The following XPR1 variants were observed in gnomAD, a reference collection of about 807,000 sequenced individuals.
XPR1 encodes the protein xenotropic and polytropic retrovirus receptor 1.
Under a neutral mutation model 87.5 loss-of-function variants are expected in XPR1, and 28 were observed. That is an observed-to-expected ratio of 0.32 (90% CI 0.24 to 0.44). The LOEUF is 0.44. Ranked by LOEUF, XPR1 falls within the 20% of genes least tolerant of loss-of-function variation. The pLI, the probability that XPR1 is intolerant of heterozygous loss-of-function variation, is 1.00. For missense variants in XPR1, 559 were observed against 862.3 expected (o/e 0.65, Z 4.41); for synonymous variants, 300 against 306.1 (o/e 0.98, Z 0.21).
intron 12 of XPR1, among the ~76,000 whole-genome samples, 195 bp downstream of exon 12, chr1:180,864,069 A>G (rs1652304299): frequency 6.6e-6 from 1 of 152,230 alleles, no homozygotes; most frequent in African/African-American, 2.4e-5. Context: ...TAGGAAATCA[A>G]AACAAAGTAA....
chr1:180,634,785 AAGC>A (rs1654711477), intron 1 of XPR1, among the ~76,000 whole-genome samples: 1 of 151,940 alleles, frequency 6.6e-6, no homozygotes, highest in Admixed American at 6.6e-5. Context: ...TACTTGAAAT[AAGC>A]AGAGAATTAG....
rs578042378 is a variant in XPR1 at position 180,668,961 on chromosome 1, C to T, written c.70-13399C>T. Among the ~76,000 whole-genome samples the T allele has an allele frequency of 2.7e-4, 41 of 151,810 alleles. No homozygotes were observed. In the South Asian group the frequency reaches 2.7e-3, roughly 10 times the overall value. ...AAAAATTAGCTGGGCTGCTGGCAGG[C>T]GCCTGTAATCCCAGCTACTTGGGAG... On this transcript the variant is annotated intron_variant, in intron 1 of 14. Transcript: ENST00000367590.
Position 180,787,784 on chromosome 1 carries a change from T to C in XPR1, c.153T>C (p.Phe51=). The stretch of plus-strand genomic sequence containing the variant: ...ATGAGGACACAGTAAAGAGGTATTT[T>C]GCCAAGTTTGAAGAGAAGTTTTTCC... ...VTDEDTVKRY[F]AKFEEKFFQT... is the part of the protein sequence containing the mutation. Residue 51 remains phenylalanine (F), a synonymous_variant, in exon 3 of 15, where the codon TTT becomes TTC. Transcript: ENST00000367590. 6.2e-7 allele frequency: 1 copy of C among 1,613,426 alleles called. No homozygotes were observed. The highest frequency in any genetic ancestry group is 2.2e-5 in the East Asian group (1 of 44,848).
At chr1:180,732,467 T>A (rs1658589372) in intron 2 of XPR1, among the ~76,000 whole-genome samples, 2 of 152,206 alleles carry the variant, frequency 1.3e-5, no homozygotes, top group Admixed American at 6.5e-5. Flanking sequence ...CAGAAGTAGA[T>A]CTTCATGAAA....
intron 1 of XPR1, among the ~76,000 whole-genome samples, chr1:180,636,770 G>C (rs1163831042): frequency 6.6e-6 from 1 of 152,088 alleles, no homozygotes; most frequent in Non-Finnish European, 1.5e-5. Flanking sequence ...AAAGTAAGGG[G>C]GCTGGACACG....
At chr1:180,661,999 TTTTAAC>T (rs1655796191) in intron 1 of XPR1, among the ~76,000 whole-genome samples, 1 of 152,220 alleles carries the variant, frequency 6.6e-6, no homozygotes, top group Non-Finnish European at 1.5e-5. Context: ...TCTCCCCACT[TTTTAAC>T]TTTGTTTCTA....
chr1:180,773,739 T>C (rs1271470890), intron 2 of XPR1, among the ~76,000 whole-genome samples: 2 of 152,180 alleles, frequency 1.3e-5, no homozygotes, highest in Non-Finnish European at 1.5e-5. Flanking sequence ...CCTTTTTCCC[T>C]CCATGTTTTG....
chr1:180,673,294 A>G (rs1022563372), intron 1 of XPR1, among the ~76,000 whole-genome samples: 19 of 152,204 alleles, frequency 1.2e-4, no homozygotes, highest in Non-Finnish European at 2.8e-4. Context: ...AAAAAAAGGT[A>G]TATTGTACAA....
intron 11 of XPR1, among the ~76,000 whole-genome samples, chr1:180,857,448 A>AAT (rs1240200995): frequency 1.3e-5 from 2 of 152,146 alleles, no homozygotes; most frequent in Non-Finnish European, 2.9e-5. Context: ...ACCTAGAATA[A>AAT]TATCTGGCAT....
At chr1:180,725,154 GT>G (rs1320816778) in intron 2 of XPR1, among the ~76,000 whole-genome samples, 2 of 152,306 alleles carry the variant, frequency 1.3e-5, no homozygotes, top group East Asian at 3.9e-4. Flanking sequence ...AGGGTAATCT[GT>G]GAGGCATCTG....
intron 2 of XPR1, among the ~76,000 whole-genome samples, chr1:180,772,270 T>G (rs560442419): frequency 6.6e-6 from 1 of 152,312 alleles, no homozygotes; most frequent in African/African-American, 2.4e-5. Flanking sequence ...GGAAAGTTTC[T>G]TATTTTCTGG....
In XPR1 at chr1:180,721,944, G is replaced by A. The variant is rs528985788; in HGVS notation, c.121+39533G>A. Among the ~76,000 whole-genome samples the A allele has an allele frequency of 7.2e-5, 11 of 152,232 alleles. No homozygotes were observed. In the South Asian group the frequency reaches 2.3e-3, roughly 32 times the overall value. The stretch of plus-strand genomic sequence containing the variant: ...GCTTCTGGTCAGCAGAAGGGTATTA[G>A]TAGTTAAGTTTTTGGAGAGTCAAAA... On this transcript the variant is annotated intron_variant, in intron 2 of 14. Transcript: ENST00000367590.
intron 3 of XPR1, among the ~76,000 whole-genome samples, chr1:180,791,263 C>G (rs911225639): frequency 2.0e-5 from 3 of 151,906 alleles, no homozygotes; most frequent in Non-Finnish European, 4.4e-5. Context: ...GTAGTAGATA[C>G]TTTGTTTTTT....
At chr1:180,744,425 G>A (rs1002684332) in intron 2 of XPR1, among the ~76,000 whole-genome samples, 2 of 151,968 alleles carry the variant, frequency 1.3e-5, no homozygotes, top group Admixed American at 1.3e-4. Context: ...CTTCCTTGGT[G>A]AAGCATTTTA....
chr1:180,765,438 G>A (rs974397217), intron 2 of XPR1, among the ~76,000 whole-genome samples: 2 of 152,020 alleles, frequency 1.3e-5, no homozygotes, highest in African/African-American at 2.4e-5. Flanking sequence ...TCTTCTCTCT[G>A]ACTACTAGAT....
At chr1:180,733,403 A>G (rs1658622721) in intron 2 of XPR1, among the ~76,000 whole-genome samples, 4 of 152,160 alleles carry the variant, frequency 2.6e-5, no homozygotes, top group Admixed American at 2.0e-4. Context: ...TTACAAGTTG[A>G]CTATACATTT....
intron 1 of XPR1, among the ~76,000 whole-genome samples, chr1:180,663,261 C>G (rs1012071389): frequency 1.3e-5 from 2 of 152,190 alleles, no homozygotes; most frequent in African/African-American, 2.4e-5. Flanking sequence ...TTATACCCAC[C>G]CTTCTTGCAA....
At chr1:180,835,500 C>T (rs991969331) in intron 10 of XPR1, among the ~76,000 whole-genome samples, 11 of 151,942 alleles carry the variant, frequency 7.2e-5, no homozygotes, top group African/African-American at 2.7e-4. Flanking sequence ...TTTCGCACCC[C>T]CCCCTTAGTT....
At chr1:180,844,583 C>CAA (rs1651617050) in intron 11 of XPR1, among the ~76,000 whole-genome samples, 1 of 152,044 alleles carries the variant, frequency 6.6e-6, no homozygotes, top group African/African-American at 2.4e-5. Context: ...CATAATAAAC[C>CAA]AACCCAAAAC....
Sources: allele counts gnomAD v4.1 joint callset (sites outside exome capture counted in the v4.1 genomes callset), GRCh38; gene constraint gnomAD v4.1.1; transcripts MANE v1.5; gene names NCBI Gene and HGNC (gene_info 2026-07-23, HGNC 2026-07-21).